The following ABCA3 variants were observed in gnomAD, a reference collection of about 807,000 sequenced individuals.
ABCA3 encodes the protein ATP binding cassette subfamily A member 3, also known as phospholipid-transporting ATPase ABCA3.
In ABCA3, 88 loss-of-function variants were observed where a neutral mutation model predicts 172.8. The observed-to-expected ratio is 0.51, with a 90% CI of 0.43 to 0.61. The LOEUF is 0.61. Among genes scored for constraint, ABCA3 ranks in the 20% least tolerant of loss-of-function variants. The pLI, the probability that ABCA3 is intolerant of heterozygous loss-of-function variation, is 0.00. For missense variants in ABCA3, 2,164 were observed against 2,301.0 expected, an observed-to-expected ratio of 0.94 and a Z score of 1.22; for synonymous variants, 1,066 against 983.8, an observed-to-expected ratio of 1.08 and a Z score of -1.56.
chr16:2,289,951 G>A (rs2093669239), intron 19 of ABCA3, among the ~76,000 whole-genome samples: 1 of 134,444 alleles, frequency 7.4e-6, no homozygotes, highest in Non-Finnish European at 1.5e-5. Flanking sequence ...TTAATATTAT[G>A]TGAATTACAT....
At chr16:2,324,140 T>C (rs1434750079) in intron 6 of ABCA3, among the ~76,000 whole-genome samples, 3 of 152,172 alleles carry the variant, frequency 2.0e-5, no homozygotes, top group Admixed American at 2.0e-4. Flanking sequence ...TTTCATAAAA[T>C]GAGGGAACAG....
intron 8 of ABCA3, 44 bp downstream of exon 8, chr16:2,319,537 C>T: frequency 1.2e-6 from 2 of 1,601,784 alleles, no homozygotes; most frequent in Non-Finnish European, 1.7e-6. Flanking sequence ...CTCCCCAGGA[C>T]AGCGCGGTTT....
chr16:2,334,604 C>CA (rs2093748806), intron 1 of ABCA3, among the ~76,000 whole-genome samples: 1 of 151,462 alleles, frequency 6.6e-6, no homozygotes, highest in Admixed American at 6.6e-5. Context: ...CTCCGGCCCC[C>CA]AGGTTCAAGT....
At chr16:2,317,545 C>T (rs1474474226) in intron 9 of ABCA3, 103 bp downstream of exon 9, 21 of 1,582,354 alleles carry the variant, frequency 1.3e-5, no homozygotes, top group Middle Eastern at 1.7e-4. Flanking sequence ...GAGGGACAGA[C>T]TCTCTCTGAA....
intron 1 of ABCA3, among the ~76,000 whole-genome samples, chr16:2,339,976 C>T (rs1013537197): frequency 6.6e-6 from 1 of 152,262 alleles, no homozygotes; most frequent in Non-Finnish European, 1.5e-5. Context: ...ACTAGCGGCT[C>T]CCCTTTCCCG....
At chr16:2,313,445 T>G (rs1324065586) in intron 10 of ABCA3, among the ~76,000 whole-genome samples, 1 of 150,130 alleles carries the variant, frequency 6.7e-6, no homozygotes, top group Non-Finnish European at 1.5e-5. Context: ...TGCCAGCTAC[T>G]CAGAGGCTGA....
At position 2,281,172 on chromosome 16, in the gene ABCA3, G is replaced by T. The variant is rs149559041; in HGVS notation, c.4214C>A (p.Ala1405Glu). Residue 1405 changes from alanine to glutamate, a missense_variant, in exon 28 of 33, where the codon GCG becomes GAG. Ala to Glu is a moderately radical substitution (Grantham distance 107). Coordinates refer to ENST00000301732, the MANE Select transcript of ABCA3 (RefSeq NM_001089.3). The surrounding 1 kb of genome is among the most constrained non-coding windows in gnomAD (Gnocchi z 4.7). ...GCCGAAGCACTCCCCTTTCTGCACCGCGAGGGAGAGCCTGTCCACGGCCAG... is the reference window on the plus strand; with the variant it reads ...GCCGAAGCACTCCCCTTTCTGCACCTCGAGGGAGAGCCTGTCCACGGCCAG... ...PLLAVDRLSL[A>E]VQKGECFGLL... The T allele has an allele frequency of 1.2e-6, 2 of 1,613,664 alleles. No homozygotes were observed. The highest frequency in any genetic ancestry group is 1.1e-5 in the South Asian group (1 of 91,078).
chr16:2,307,016 C>CAAAAAAAAAA (rs201661615), intron 11 of ABCA3, among the ~76,000 whole-genome samples: 150 of 65,560 alleles, frequency 2.3e-3, no homozygotes, highest in Non-Finnish European at 2.7e-3. Flanking sequence ...GACTCCGTCT[C>CAAAAAAAAAA]AAAAAAAAAA....
chr16:2,297,102 T>C lies in ABCA3; in HGVS notation c.2263+227A>G, dbSNP rs535907785. Among the ~76,000 whole-genome samples, 2 of 152,188 alleles carry C rather than the reference T, an allele frequency of 1.3e-5. No individual in the cohort carries two copies. Among genetic ancestry groups the C allele is most frequent in the Admixed American group, 6.6e-5 (1 of 15,266 alleles). ...GGCTTGGCCTCTGTTCTTCTGGTCA[T>C]GGCTGAACCACATCCTAACCAAATT... On this transcript the variant is annotated intron_variant, in intron 17 of 32. Transcript: ENST00000301732. This position sits in a 1 kb window ranked among gnomAD's most constrained non-coding sequence, Gnocchi z 5.6.
rs775337404 is a variant in ABCA3 at position 2,288,057 on chromosome 16, C to A, written c.2973G>T (p.Gln991His). The A allele has an allele frequency of 1.2e-6, 2 of 1,611,562 alleles. No homozygotes were observed. Among genetic ancestry groups the A allele is most frequent in the Admixed American group, 1.7e-5 (1 of 60,002 alleles). The change falls in exon 21 of 33, where the codon CAG becomes CAT. Residue 991 changes from glutamine (Q) to histidine (H), a missense_variant. Coordinates refer to ENST00000301732, the MANE Select transcript of ABCA3 (RefSeq NM_001089.3). ...CCTCGCGGGGCTCCTGTCCCTCAGC[C>A]TGCAGTGCGTCTTTCAGATGCTCTG... is the stretch of plus-strand genomic sequence containing the variant. ...QLSEHLKDALQAEGQEPREVL... is the reference protein window; with the variant it reads ...QLSEHLKDALHAEGQEPREVL...
At chr16:2,332,615 G>T in intron 1 of ABCA3, 3 of 1,584,176 alleles carry the variant, frequency 1.9e-6, no homozygotes, top group Non-Finnish European at 2.6e-6. Context: ...TTGTACTGTA[G>T]CGTGGGCGGC....
At position 2,319,689 on chromosome 16, in the gene ABCA3, G is replaced by A. The variant is rs200087306; in HGVS notation, c.765C>T (p.Phe255=). The A allele has an allele frequency of 1.8e-5, 29 of 1,613,990 alleles. No individual in the cohort carries two copies. In the African/African-American group the frequency reaches 2.4e-4, roughly 13 times the overall value. The change falls in exon 8 of 33, where the codon TTC becomes TTT. Residue 255 remains phenylalanine (F), a synonymous_variant. Coordinates refer to ENST00000301732, the MANE Select transcript of ABCA3 (RefSeq NM_001089.3). ...GCAGCTGGTACTGGATGGCCACGAG[G>A]AAGGGGTCTGCGATGAACGGCGGGT... ...FPYPPFIADP[F]LVAIQYQLPL... is the part of the protein sequence containing the mutation.
In ABCA3 at chr16:2,285,386, A is replaced by T; in HGVS notation, c.3483+56T>A. ...GGTTCCGGTTCTGCACAGGGGTCCCAGGGCAAGCCCTCTGCGGTCTGCAGG... is the reference window on the plus strand; with the variant it reads ...GGTTCCGGTTCTGCACAGGGGTCCCTGGGCAAGCCCTCTGCGGTCTGCAGG... On this transcript the variant is annotated intron_variant, in intron 23 of 32. Coordinates refer to ENST00000301732, the MANE Select transcript of ABCA3 (RefSeq NM_001089.3). This position sits in a 1 kb window ranked among gnomAD's most constrained non-coding sequence, Gnocchi z 4.7. 1 of 1,553,328 alleles carries T rather than the reference A, an allele frequency of 6.4e-7. No homozygotes were observed. Among genetic ancestry groups the T allele is most frequent in the Admixed American group, 1.9e-5 (1 of 51,866 alleles).
At position 2,276,635 on chromosome 16, in the gene ABCA3, C is replaced by T. The variant is rs376631534; in HGVS notation, c.*39G>A. 3.5e-5 allele frequency: 57 copies of T among 1,607,384 alleles called. No individual in the cohort carries two copies. Among genetic ancestry groups the T allele is most frequent in the African/African-American group, 8.0e-5 (6 of 74,878 alleles). ...GGATGTAAGATGGGCCCTGCTTGCC[C>T]GTCCTGTCCCTGCCTGATGGCGAGA... On this transcript the variant is annotated 3_prime_UTR_variant, in exon 33 of 33. Coordinates refer to ENST00000301732, the MANE Select transcript of ABCA3 (RefSeq NM_001089.3).
chr16:2,280,807 G>A (rs144911729), intron 28 of ABCA3, among the ~76,000 whole-genome samples: 1 of 152,318 alleles, frequency 6.6e-6, no homozygotes, highest in Non-Finnish European at 1.5e-5. Context: ...GCTCACGGAT[G>A]TTGGCACCCA....
intron 12 of ABCA3, among the ~76,000 whole-genome samples, chr16:2,301,536 G>A (rs1041625887): frequency 2.1e-4 from 32 of 152,004 alleles, no homozygotes; most frequent in African/African-American, 5.3e-4. Flanking sequence ...GCGAAACCCC[G>A]TCTCTAATAA....
chr16:2,290,369 A>G (rs887602915), intron 19 of ABCA3, among the ~76,000 whole-genome samples: 1 of 152,132 alleles, frequency 6.6e-6, no homozygotes, highest in Non-Finnish European at 1.5e-5. Context: ...TAGACAAACC[A>G]GGAAAAGCTT....
At chr16:2,338,081 A>G (rs539314710) in intron 1 of ABCA3, among the ~76,000 whole-genome samples, 5 of 152,292 alleles carry the variant, frequency 3.3e-5, no homozygotes, top group African/African-American at 1.2e-4. Context: ...CCCTAGGTGC[A>G]GGAAACGAGG....
chr16:2,284,336 C>T lies in ABCA3; in HGVS notation c.3805G>A (p.Glu1269Lys), dbSNP rs776731355. 17 of 1,613,792 alleles carry T rather than the reference C, an allele frequency of 1.1e-5. No individual in the cohort carries two copies. Among genetic ancestry groups the T allele is most frequent in the Middle Eastern group, 3.3e-4 (2 of 6,080 alleles). The stretch of plus-strand genomic sequence containing the variant: ...GAGGAGGTGCAGTACCTCCGCGTCT[C>T]GTAGTTCTCGTAGAAACTGCTGACT... ...MAVSSFYENY[E>K]TRRYCTSSEV... The change falls in exon 25 of 33, where the codon GAG becomes AAG. Residue 1269 changes from glutamate (E) to lysine (K), a missense_variant. Glu to Lys is a moderately conservative substitution (Grantham distance 56). Around this residue, in one of 3 missense-constraint regions of ABCA3, gnomAD observed 795 missense variants for 881.9 expected, o/e 0.90. Transcript: ENST00000301732. This position sits in a 1 kb window ranked among gnomAD's most constrained non-coding sequence, Gnocchi z 5.9.
Sources: gnomAD v4.1 joint callset for allele counts (sites outside exome capture counted in the v4.1 genomes callset) on GRCh38, gnomAD v4.1.1 for gene constraint, gnomAD v4.1.1 regional missense constraint, Gnocchi (gnomAD v3.1) non-coding constraint, MANE v1.5 for transcripts, NCBI Gene and HGNC (gene_info 2026-07-23, HGNC 2026-07-21) for gene names.